Variants in CNTN5 observed in about 807,000 individuals in gnomAD.
CNTN5 encodes contactin-5.
In CNTN5, 77 loss-of-function variants were observed where a neutral mutation model predicts 129.1. The ratio of observed to expected loss-of-function variants is 0.60; its 90% confidence interval spans 0.50 to 0.72. CNTN5 has a LOEUF of 0.72. CNTN5 is among the 30% of genes least tolerant of loss of function. The pLI, the probability that CNTN5 is intolerant of heterozygous loss-of-function variation, is 0.00. For missense variants in CNTN5, 1,478 were observed against 1,328.8 expected, an observed-to-expected ratio of 1.11 and a Z score of -1.75; for synonymous variants, 509 against 465.6, an observed-to-expected ratio of 1.09 and a Z score of -1.20.
intron 15 of CNTN5, among the ~76,000 whole-genome samples, chr11:100,198,692 T>C (rs1286249362): frequency 6.6e-6 from 1 of 151,890 alleles, no homozygotes; most frequent in Admixed American, 6.6e-5. Flanking sequence ...GAGGACTCAC[T>C]CCTCTAAAGT....
intron 13 of CNTN5, among the ~76,000 whole-genome samples, chr11:100,113,821 A>G (rs1272068889): frequency 6.6e-6 from 1 of 152,012 alleles, no homozygotes; most frequent in African/African-American, 2.4e-5. Context: ...TTGTTTCCAC[A>G]CAAGCTCAAA....
intron 1 of CNTN5, among the ~76,000 whole-genome samples, chr11:99,111,303 T>C (rs570038477): frequency 2.0e-5 from 3 of 152,144 alleles, no homozygotes; most frequent in South Asian, 2.1e-4. Context: ...TGTGTGTGTG[T>C]GTAGGTGTGT....
intron 1 of CNTN5, among the ~76,000 whole-genome samples, chr11:99,068,929 G>A (rs761529170): frequency 2.0e-5 from 3 of 151,932 alleles, no homozygotes; most frequent in Admixed American, 6.6e-5. Context: ...AAATGGAAGA[G>A]GAAATCTCCC....
At chr11:99,951,649 A>G (rs1411333032) in intron 7 of CNTN5, among the ~76,000 whole-genome samples, 3 of 152,164 alleles carry the variant, frequency 2.0e-5, no homozygotes, top group Non-Finnish European at 4.4e-5. Flanking sequence ...TCATGAAGTT[A>G]TTTGATAGTA....
rs796751648 is a variant in CNTN5, at chr11:99,598,258, C to CCTTTT, written c.55+42052_55+42056dup. Among the ~76,000 whole-genome samples the CCTTTT allele has an allele frequency of 3.1e-3, 289 of 93,594 alleles. 9 individuals are homozygous for CCTTTT. The highest frequency in any genetic ancestry group is 0.011 in the African/African-American group (264 of 23,670). 61.4% of individuals were successfully genotyped at this position (93,594 alleles called of 152,430 possible). On this transcript the variant is annotated intron_variant, in intron 3 of 24. Transcript: ENST00000524871. ...TCTTTCCTTCCTTTTTCTTAGCTTTCCTTTTCTTTTCTTTTCTTTTCTTTT... is the reference window on the plus strand; with the variant it reads ...TCTTTCCTTCCTTTTTCTTAGCTTTCCTTTTCTTTTCTTTTCTTTTCTTTTCTTTT...
At chr11:99,822,433 T>C (rs996835563) in intron 4 of CNTN5, among the ~76,000 whole-genome samples, 9 of 152,134 alleles carry the variant, frequency 5.9e-5, no homozygotes, top group African/African-American at 1.7e-4. Context: ...AGAAAGAAAA[T>C]GGATAGACCT....
At chr11:99,387,248 C>T (rs1437329046) in intron 2 of CNTN5, among the ~76,000 whole-genome samples, 1 of 152,020 alleles carries the variant, frequency 6.6e-6, no homozygotes, top group African/African-American at 2.4e-5. Flanking sequence ...ATTCTATCCC[C>T]CCAAAATTTC....
At chr11:99,130,482 A>G (rs1227177089) in intron 1 of CNTN5, among the ~76,000 whole-genome samples, 2 of 152,174 alleles carry the variant, frequency 1.3e-5, no homozygotes, top group South Asian at 2.1e-4. Flanking sequence ...TTGAAGACCT[A>G]CAAAAAGATT....
intron 13 of CNTN5, among the ~76,000 whole-genome samples, chr11:100,149,444 A>G (rs1194364797): frequency 1.3e-5 from 2 of 152,224 alleles, no homozygotes; most frequent in African/African-American, 4.8e-5. Flanking sequence ...AATATCTGAC[A>G]CCATAATAAA....
chr11:99,025,795 ATTTAC>A (rs1374442320), intron 1 of CNTN5, among the ~76,000 whole-genome samples: 7 of 151,720 alleles, frequency 4.6e-5, no homozygotes, highest in African/African-American at 1.7e-4. Flanking sequence ...TTTGTGAGAA[ATTTAC>A]TTTTAAGTAT....
At chr11:99,496,185 T>C (rs1272936951) in intron 2 of CNTN5, among the ~76,000 whole-genome samples, 2 of 152,168 alleles carry the variant, frequency 1.3e-5, no homozygotes, top group Admixed American at 6.5e-5. Context: ...CTATTTTTGA[T>C]AGAGAAGCGT....
intron 21 of CNTN5, among the ~76,000 whole-genome samples, chr11:100,320,935 T>G (rs529188924): frequency 6.6e-6 from 1 of 152,330 alleles, no homozygotes; most frequent in South Asian, 2.1e-4. Flanking sequence ...TTTATACCAA[T>G]AGCATGCTGT....
intron 17 of CNTN5, among the ~76,000 whole-genome samples, chr11:100,258,511 G>A (rs934921722): frequency 6.6e-6 from 1 of 152,138 alleles, no homozygotes; most frequent in Non-Finnish European, 1.5e-5. Context: ...TTGAAATGAA[G>A]GAAAAAATGT....
intron 1 of CNTN5, among the ~76,000 whole-genome samples, chr11:99,100,258 G>A (rs1482149900): frequency 6.6e-6 from 1 of 151,564 alleles, no homozygotes. Flanking sequence ...TTCTTTGCCA[G>A]CCCTGCTCCC....
intron 1 of CNTN5, among the ~76,000 whole-genome samples, chr11:99,197,074 C>T (rs940286737): frequency 5.1e-4 from 77 of 151,820 alleles, no homozygotes; most frequent in African/African-American, 1.7e-3. Flanking sequence ...GAAAAATGAC[C>T]CTGTTTTCAG....
chr11:100,195,429 T>C (rs939249308), intron 15 of CNTN5, among the ~76,000 whole-genome samples: 1 of 152,020 alleles, frequency 6.6e-6, no homozygotes, highest in Non-Finnish European at 1.5e-5. Context: ...AATACCTTTT[T>C]TTCCATGAAG....
intron 4 of CNTN5, among the ~76,000 whole-genome samples, chr11:99,832,893 G>T (rs1947188844): frequency 6.6e-6 from 1 of 152,164 alleles, no homozygotes; most frequent in South Asian, 2.1e-4. Context: ...CTAACCAGCA[G>T]GCAGAACAGT....
At chr11:100,196,791 C>A (rs901329960) in intron 15 of CNTN5, among the ~76,000 whole-genome samples, 2 of 151,862 alleles carry the variant, frequency 1.3e-5, no homozygotes, top group African/African-American at 4.8e-5. Context: ...AACATTTGAT[C>A]CAATTCATCC....
At chr11:99,151,882 G>A (rs1860074152) in intron 1 of CNTN5, among the ~76,000 whole-genome samples, 1 of 152,048 alleles carries the variant, frequency 6.6e-6, no homozygotes, top group Non-Finnish European at 1.5e-5. Context: ...GGGGATGGGG[G>A]CAAGGGGAGG....
Sources: gnomAD v4.1 joint callset for allele counts (sites outside exome capture counted in the v4.1 genomes callset) on GRCh38, gnomAD v4.1.1 for gene constraint, MANE v1.5 for transcripts, NCBI Gene and HGNC (gene_info 2026-07-23, HGNC 2026-07-21) for gene names.